The following LDLRAD4 variants were observed in gnomAD, a reference collection of about 807,000 sequenced individuals.
LDLRAD4 encodes the protein low-density lipoprotein receptor class A domain-containing protein 4.
A neutral mutation model predicts 17.0 loss-of-function variants in LDLRAD4; 5 were observed. The ratio of observed to expected loss-of-function variants is 0.29; its 90% CI spans 0.15 to 0.62. The LOEUF (loss-of-function observed/expected upper bound fraction) is 0.62. Ranked by LOEUF, LDLRAD4 falls within the 20% of genes least tolerant of loss-of-function variation. The pLI is 0.84. For synonymous variants in LDLRAD4, 168 were observed against 171.8 expected (o/e 0.98, Z 0.17); for missense variants, 340 against 424.7 (o/e 0.80, Z 1.75).
At chr18:13,231,491 A>G (rs971158991) in intron 1 of LDLRAD4, among the ~76,000 whole-genome samples, 3 of 152,184 alleles carry the variant, frequency 2.0e-5, no homozygotes, top group South Asian at 2.1e-4. Context: ...AACCAAATCA[A>G]CCAGCCACGA....
chr18:13,281,066 G>C (rs958987241), intron 1 of LDLRAD4, among the ~76,000 whole-genome samples: 9 of 152,158 alleles, frequency 5.9e-5, no homozygotes, highest in Admixed American at 5.2e-4. Flanking sequence ...TGTATAAAGT[G>C]ATCTTCGGCA....
chr18:13,487,134 G>A lies in LDLRAD4; in HGVS notation c.181+48750G>A, dbSNP rs567680180. 3.9e-5 allele frequency: 6 copies of A among 152,272 alleles called. No individual in the cohort carries two copies. The South Asian group carries it at 8.3e-4, about 21-fold the overall frequency. The allele number at this position is 152,272 out of a possible 1,614,324, so 9.4% of individuals were successfully genotyped here. A position where few individuals can be genotyped will look rare whatever the true frequency, so the allele number is the denominator to read the frequency against. ...TTTTCCTTACATGAAACTTTGATGA[G>A]AGTGATCATTTCTTTTTTATTCCCC... On this transcript the variant is annotated intron_variant, in intron 3 of 5. Coordinates refer to ENST00000359446, the Ensembl canonical transcript of LDLRAD4.
intron 3 of LDLRAD4, among the ~76,000 whole-genome samples, chr18:13,498,253 C>T (rs2093519140): frequency 6.6e-6 from 1 of 151,000 alleles, no homozygotes; most frequent in Non-Finnish European, 1.5e-5. Flanking sequence ...CTGCCGTGGA[C>T]ACTGGAGAAT....
chr18:13,493,651 C>G (rs2093403320), intron 3 of LDLRAD4, among the ~76,000 whole-genome samples: 1 of 152,222 alleles, frequency 6.6e-6, no homozygotes, highest in African/African-American at 2.4e-5. Context: ...CCGTGCCTGA[C>G]TGGTCACATA....
At chr18:13,453,198 C>T (rs1221193888) in intron 3 of LDLRAD4, among the ~76,000 whole-genome samples, 1 of 152,168 alleles carries the variant, frequency 6.6e-6, no homozygotes, top group African/African-American at 2.4e-5. Context: ...TTTTGCATTG[C>T]TCCTGGTGTG....
intron 1 of LDLRAD4, among the ~76,000 whole-genome samples, chr18:13,327,867 A>G (rs901328669): frequency 3.3e-5 from 5 of 152,088 alleles, no homozygotes; most frequent in South Asian, 2.1e-4. Context: ...GCTGTCATCA[A>G]TCTGTTTTGT....
At chr18:13,356,986 T>C (rs1042356271) in intron 1 of LDLRAD4, among the ~76,000 whole-genome samples, 3 of 151,980 alleles carry the variant, frequency 2.0e-5, no homozygotes, top group African/African-American at 4.8e-5. Context: ...ATACAAAAAT[T>C]AGCCGGGTGT....
chr18:13,641,364 G>A (rs1271668131), intron 4 of LDLRAD4, among the ~76,000 whole-genome samples: 1 of 152,238 alleles, frequency 6.6e-6, no homozygotes, highest in Non-Finnish European at 1.5e-5. Context: ...GAATGGATAA[G>A]TTGGATAGGC....
At chr18:13,376,417 G>A (rs1030377710) in intron 1 of LDLRAD4, among the ~76,000 whole-genome samples, 4 of 152,214 alleles carry the variant, frequency 2.6e-5, no homozygotes, top group Non-Finnish European at 4.4e-5. Context: ...GAACAGCGGC[G>A]TCAGCTGCCA....
exon 6 of LDLRAD4, chr18:13,651,008 C>G (rs536349892): frequency 6.6e-6 from 1 of 152,330 alleles, no homozygotes; most frequent in East Asian, 1.9e-4. Context: ...TTGGTTGCCA[C>G]TAGACGCTTC....
chr18:13,548,441 G>A (rs1346314483), intron 3 of LDLRAD4, among the ~76,000 whole-genome samples: 6 of 152,206 alleles, frequency 3.9e-5, no homozygotes, highest in African/African-American at 1.4e-4. Context: ...TCCTTCCCCT[G>A]CTTGTTGGCA....
intron 3 of LDLRAD4, among the ~76,000 whole-genome samples, chr18:13,511,622 C>T (rs1568278994): frequency 6.6e-6 from 1 of 152,154 alleles, no homozygotes; most frequent in East Asian, 1.9e-4. Flanking sequence ...ATTCTGTAAT[C>T]GTTTTCTGAT....
chr18:13,363,331 C>CA (rs5742236), intron 1 of LDLRAD4, among the ~76,000 whole-genome samples: 21 of 86,900 alleles, frequency 2.4e-4, no homozygotes, highest in African/African-American at 7.1e-4. Context: ...GACTCCGTCT[C>CA]AAAAAAAAAA....
At chr18:13,360,415 A>C (rs1169541243) in intron 1 of LDLRAD4, among the ~76,000 whole-genome samples, 10 of 152,222 alleles carry the variant, frequency 6.6e-5, no homozygotes, top group Non-Finnish European at 1.2e-4. Context: ...AGCGAGGATA[A>C]AGCAGCGCTC....
At chr18:13,571,857 G>C (rs941401826) in intron 3 of LDLRAD4, among the ~76,000 whole-genome samples, 27 of 152,114 alleles carry the variant, frequency 1.8e-4, no homozygotes, top group South Asian at 8.3e-4. Flanking sequence ...AGGATGGTCT[G>C]GATCTCCTGA....
chr18:13,424,831 G>C (rs2089796310), intron 2 of LDLRAD4, among the ~76,000 whole-genome samples: 1 of 152,222 alleles, frequency 6.6e-6, no homozygotes, highest in Non-Finnish European at 1.5e-5. Flanking sequence ...TGGCCTCCAG[G>C]GGGATGTGTA....
intron 1 of LDLRAD4, among the ~76,000 whole-genome samples, chr18:13,337,941 T>C (rs1268890723): frequency 1.3e-5 from 2 of 152,162 alleles, no homozygotes; most frequent in Admixed American, 6.5e-5. Flanking sequence ...AAAGCAGTTA[T>C]GGAGTCAAAG....
In LDLRAD4 at chr18:13,438,168, A is replaced by G. The variant is rs1273397944; in HGVS notation, c.41-76A>G. 2.1e-6 allele frequency: 3 copies of G among 1,423,560 alleles called. No homozygotes were observed. The African/African-American group carries it at 4.2e-5, about 20-fold the overall frequency. 88.2% of individuals were successfully genotyped at this position (1,423,560 alleles called of 1,614,324 possible). A position where few individuals can be genotyped will look rare whatever the true frequency, so the allele number is the denominator to read the frequency against. On this transcript the variant is annotated intron_variant, in intron 2 of 5. Transcript: ENST00000359446. ...TCATGGCATGCAAATGGGGGAAAGA[A>G]AAACCAACGACAGTCACAGCTCAAG...
intron 1 of LDLRAD4, among the ~76,000 whole-genome samples, chr18:13,376,752 G>A (rs1015022580): frequency 3.3e-5 from 5 of 152,178 alleles, no homozygotes; most frequent in African/African-American, 9.7e-5. Flanking sequence ...CGCTGCCTGG[G>A]CTGCCTGGCG....
Sources: gnomAD v4.1 joint callset for allele counts (sites outside exome capture counted in the v4.1 genomes callset) on GRCh38, gnomAD v4.1.1 for gene constraint, MANE v1.5 for transcripts, NCBI Gene and HGNC (gene_info 2026-07-23, HGNC 2026-07-21) for gene names.